STK35: variants seen among roughly 807,000 people sequenced by gnomAD.
STK35 encodes the protein serine/threonine-protein kinase 35.
In STK35, 17 loss-of-function variants were observed where a neutral mutation model predicts 37.3. The observed-to-expected ratio is 0.46, with a 90% CI of 0.31 to 0.68. The LOEUF is 0.68. STK35 is among the 30% of genes least tolerant of loss of function. STK35 has a pLI of 0.05. For synonymous variants in STK35, 385 were observed against 319.1 expected (o/e 1.21, Z -2.20); for missense variants, 595 against 746.7 (o/e 0.80, Z 2.37).
rs138762120 is a variant in STK35 at position 2,127,298 on chromosome 20, CCT to C, written c.*37+9887_*37+9888del. Among the ~76,000 whole-genome samples, 105 of 151,710 alleles carry C rather than the reference CCT, an allele frequency of 6.9e-4. 1 individual carries two copies. The East Asian group carries it at 0.019, about 28-fold the overall frequency. ...TTTTTTGGATGTGCTTAAGACAAGC[CCT>C]CTCAGAAAGCTAGGCATGCCTAGGG... On this transcript the variant is annotated intron_variant, in intron 3 of 3. Coordinates refer to ENST00000381482, the MANE Select transcript of STK35 (RefSeq NM_080836.4).
chr20:2,122,210 A>G (rs1358987787), intron 3 of STK35, among the ~76,000 whole-genome samples: 1 of 152,126 alleles, frequency 6.6e-6, no homozygotes, highest in Non-Finnish European at 1.5e-5. Context: ...GGCACATGCC[A>G]TAGGCCCAGT....
At chr20:2,134,677 G>A (rs1277681569) in intron 3 of STK35, among the ~76,000 whole-genome samples, 1 of 152,086 alleles carries the variant, frequency 6.6e-6, no homozygotes, top group Non-Finnish European at 1.5e-5. Flanking sequence ...AATCACCTGA[G>A]GTAAGGAGTT....
chr20:2,127,421 A>G (rs556386251), intron 3 of STK35, among the ~76,000 whole-genome samples: 1 of 152,320 alleles, frequency 6.6e-6, no homozygotes, highest in African/African-American at 2.4e-5. Flanking sequence ...CCAGACAGAA[A>G]GAGAACTAGA....
At position 2,145,168 on chromosome 20, in the gene STK35, C is replaced by G. The variant is rs1056694125; in HGVS notation, c.*1422C>G. The G allele has an allele frequency of 6.6e-6, 1 of 152,398 alleles. No homozygotes were observed. Among genetic ancestry groups the G allele is most frequent in the Non-Finnish European group, 1.5e-5 (1 of 68,160 alleles). The allele number at this position is 152,398 out of a possible 1,614,324, so 9.4% of individuals were successfully genotyped here. A position where few individuals can be genotyped will look rare whatever the true frequency, so the allele number is the denominator to read the frequency against. On this transcript the variant is annotated 3_prime_UTR_variant, in exon 4 of 4. Coordinates refer to ENST00000381482, the MANE Select transcript of STK35 (RefSeq NM_080836.4). Reference sequence around the variant, plus strand: ...ACCTCCCTAGGGGAAGCTTCCCTCCCCCTGGGCTGCTGCTCTGAGCCCATC... The same window carrying G: ...ACCTCCCTAGGGGAAGCTTCCCTCCGCCTGGGCTGCTGCTCTGAGCCCATC...
At chr20:2,139,052 C>T (rs1260191802) in intron 3 of STK35, among the ~76,000 whole-genome samples, 2 of 152,106 alleles carry the variant, frequency 1.3e-5, no homozygotes, top group African/African-American at 2.4e-5. Context: ...AAGGTAATGA[C>T]ATTTTGACAC....
intron 3 of STK35, among the ~76,000 whole-genome samples, chr20:2,135,449 A>G (rs1238348357): frequency 6.6e-6 from 1 of 152,248 alleles, no homozygotes; most frequent in Admixed American, 6.5e-5. Flanking sequence ...CAGCAGTCCA[A>G]CATATCTGGC....
intron 3 of STK35, among the ~76,000 whole-genome samples, chr20:2,132,152 G>C (rs1490154219): frequency 6.6e-6 from 1 of 152,174 alleles, no homozygotes; most frequent in Non-Finnish European, 1.5e-5. Context: ...TCAAAGGCCA[G>C]AGCTCCAGTG....
In STK35 at chr20:2,103,008, G is replaced by A; in HGVS notation, c.535G>A (p.Glu179Lys). 2 of 1,420,712 alleles carry A rather than the reference G, an allele frequency of 1.4e-6. No homozygotes were observed. Among genetic ancestry groups the A allele is most frequent in the Non-Finnish European group, 1.8e-6 (2 of 1,098,294 alleles). 88.0% of individuals were successfully genotyped at this position (1,420,712 alleles called of 1,614,324 possible). A position where few individuals can be genotyped will look rare whatever the true frequency, so the allele number is the denominator to read the frequency against. ...CCGGGCCATGGATCCGGTGGCGGCC[G>A]AGGCCCCGGGCGAGGCCTTCCTGGC... ...AARAMDPVAAEAPGEAFLARR... is the reference protein window; with the variant it reads ...AARAMDPVAAKAPGEAFLARR... The change falls in exon 2 of 4, where the codon GAG (glutamate) becomes AAG (lysine). Residue 179 changes from glutamate to lysine, a missense_variant. Physicochemically the swap from Glu to Lys is moderately conservative, Grantham distance 56 (BLOSUM62 1). Transcript: ENST00000381482.
At chr20:2,114,281 G>A (rs1046070119) in intron 2 of STK35, among the ~76,000 whole-genome samples, 2 of 151,990 alleles carry the variant, frequency 1.3e-5, no homozygotes, top group Non-Finnish European at 2.9e-5. Flanking sequence ...TTGAGAAGCT[G>A]GGACTATTGA....
intron 2 of STK35, among the ~76,000 whole-genome samples, chr20:2,104,482 T>C (rs1985476009): frequency 6.6e-6 from 1 of 152,180 alleles, no homozygotes; most frequent in African/African-American, 2.4e-5. Flanking sequence ...GTACTCCTGG[T>C]TTCCTTACAT....
At chr20:2,113,115 CT>C (rs971604118) in intron 2 of STK35, among the ~76,000 whole-genome samples, 1 of 152,110 alleles carries the variant, frequency 6.6e-6, no homozygotes, top group Non-Finnish European at 1.5e-5. Context: ...GAATTAGTGT[CT>C]TTTTGGAACT....
intron 3 of STK35, among the ~76,000 whole-genome samples, chr20:2,143,181 AG>A (rs1377877447): frequency 6.6e-6 from 1 of 152,118 alleles, no homozygotes; most frequent in South Asian, 2.1e-4. Flanking sequence ...TAACCCCCAC[AG>A]TGCACTGCAG....
At chr20:2,135,250 C>T (rs950446260) in intron 3 of STK35, among the ~76,000 whole-genome samples, 5 of 152,146 alleles carry the variant, frequency 3.3e-5, no homozygotes, top group Non-Finnish European at 7.3e-5. Flanking sequence ...TCAGAGAATC[C>T]GTGGGACTGG....
At chr20:2,137,737 G>A (rs1033715262) in intron 3 of STK35, among the ~76,000 whole-genome samples, 5 of 152,158 alleles carry the variant, frequency 3.3e-5, no homozygotes, top group South Asian at 2.1e-4. Flanking sequence ...ATCAGGAAGC[G>A]TGACTCCCTG....
At chr20:2,111,679 A>G (rs1985622056) in intron 2 of STK35, among the ~76,000 whole-genome samples, 7 of 152,228 alleles carry the variant, frequency 4.6e-5, no homozygotes, top group Admixed American at 2.6e-4. Flanking sequence ...GGCCTGGGCA[A>G]CAGAGCTAGA....
intron 3 of STK35, among the ~76,000 whole-genome samples, chr20:2,128,898 TGACACAA>T (rs1190248678): frequency 6.6e-6 from 1 of 152,058 alleles, no homozygotes; most frequent in East Asian, 1.9e-4. Context: ...TGGAGTGCAG[TGACACAA>T]TCTCGGCTCA....
chr20:2,102,760 GC>G lies in STK35; in HGVS notation c.295-5del. 1 of 1,420,870 alleles carries G rather than the reference GC, an allele frequency of 7.0e-7. No individual in the cohort carries two copies. The highest frequency in any genetic ancestry group is 3.0e-5 in the East Asian group (1 of 32,978). The allele number at this position is 1,420,870 out of a possible 1,614,324, so 88.0% of individuals were successfully genotyped here. A position where few individuals can be genotyped will look rare whatever the true frequency, so the allele number is the denominator to read the frequency against. ...GCCTGGCCGTTTAACCGATTCTTTCGCCCGCAGGTCACAATCCAAGGTCCGG... is the reference window on the plus strand; with the variant it reads ...GCCTGGCCGTTTAACCGATTCTTTCGCCGCAGGTCACAATCCAAGGTCCGG... On this transcript the variant is annotated splice_region_variant and splice_polypyrimidine_tract_variant and intron_variant, in intron 1 of 3. Transcript: ENST00000381482.
In STK35 at chr20:2,102,180, G is replaced by T; in HGVS notation, c.294+5G>T. On this transcript the variant is annotated splice_donor_5th_base_variant and intron_variant, in intron 1 of 3. Transcript: ENST00000381482. The stretch of plus-strand genomic sequence containing the variant: ...AAGTGGAGGTGCGCGGGCCAGGTAA[G>T]GGCGCCGTTGGAGGACTGAAGGCCA... 2 of 1,375,634 alleles carry T rather than the reference G, an allele frequency of 1.5e-6. No individual in the cohort carries two copies. The highest frequency in any genetic ancestry group is 3.2e-5 in the South Asian group (2 of 62,366). 85.2% of individuals were successfully genotyped at this position (1,375,634 alleles called of 1,614,324 possible). A position where few individuals can be genotyped will look rare whatever the true frequency, so the allele number is the denominator to read the frequency against.
chr20:2,133,291 C>T (rs1463598144), intron 3 of STK35, among the ~76,000 whole-genome samples: 2 of 152,338 alleles, frequency 1.3e-5, no homozygotes, highest in Non-Finnish European at 2.9e-5. Flanking sequence ...CTGGCAAGGG[C>T]CCCTGAGGAC....
Sources: gnomAD v4.1 joint callset for allele counts (sites outside exome capture counted in the v4.1 genomes callset) on GRCh38, gnomAD v4.1.1 for gene constraint, MANE v1.5 for transcripts, NCBI Gene and HGNC (gene_info 2026-07-23, HGNC 2026-07-21) for gene names.